GABRB1: variants seen among roughly 807,000 people sequenced by gnomAD.
GABRB1 encodes the protein gamma-aminobutyric acid receptor subunit beta-1.
Under a neutral mutation model 51.6 loss-of-function variants are expected in GABRB1, and 17 were observed. The observed-to-expected ratio is 0.33, with a 90% CI of 0.23 to 0.49. GABRB1 has a LOEUF of 0.49. Ranked by LOEUF, GABRB1 falls within the 20% of genes least tolerant of loss-of-function variation. The pLI is 0.99. For synonymous variants in GABRB1, 247 were observed against 218.9 expected (o/e 1.13, Z -1.14); for missense variants, 410 against 600.6 (o/e 0.68, Z 3.32).
intron 5 of GABRB1, among the ~76,000 whole-genome samples, chr4:47,324,981 G>A (rs1725207360): frequency 6.6e-6 from 1 of 152,134 alleles, no homozygotes. Flanking sequence ...CCGCTCTATT[G>A]CCACCAGTCT....
intron 1 of GABRB1, among the ~76,000 whole-genome samples, chr4:47,018,960 T>C (rs1301617249): frequency 6.6e-6 from 1 of 152,230 alleles, no homozygotes; most frequent in Non-Finnish European, 1.5e-5. Context: ...TTATCTTTAC[T>C]GACAATTTGT....
intron 4 of GABRB1, among the ~76,000 whole-genome samples, chr4:47,185,966 A>T (rs1324308997): frequency 6.6e-6 from 1 of 151,826 alleles, no homozygotes; most frequent in Non-Finnish European, 1.5e-5. Flanking sequence ...GAGGAGTACC[A>T]TGCGTGGCTA....
At chr4:47,419,962 T>C (rs1479546421) in intron 8 of GABRB1, among the ~76,000 whole-genome samples, 1 of 152,192 alleles carries the variant, frequency 6.6e-6, no homozygotes, top group East Asian at 1.9e-4. Flanking sequence ...CCTGAAGCCT[T>C]ATTAATAATT....
At chr4:47,219,121 G>T (rs1040074721) in intron 4 of GABRB1, among the ~76,000 whole-genome samples, 36 of 151,700 alleles carry the variant, frequency 2.4e-4, no homozygotes, top group African/African-American at 8.7e-4. Flanking sequence ...TAGTATTTGT[G>T]GGATTCTTAT....
intron 4 of GABRB1, among the ~76,000 whole-genome samples, chr4:47,265,176 C>T (rs1722603213): frequency 6.6e-6 from 1 of 152,084 alleles, no homozygotes; most frequent in African/African-American, 2.4e-5. Context: ...TTATTTAGCT[C>T]CCACTTATAG....
intron 5 of GABRB1, among the ~76,000 whole-genome samples, chr4:47,323,673 C>G (rs1023870116): frequency 6.6e-6 from 1 of 152,166 alleles, no homozygotes; most frequent in Non-Finnish European, 1.5e-5. Flanking sequence ...AGAGTGGAAA[C>G]TTTGCCTGCA....
chr4:47,158,071 C>G lies in GABRB1; in HGVS notation c.241-3178C>G, dbSNP rs1717777029. 2.6e-5 allele frequency among the ~76,000 whole-genome samples: 4 copies of G among 152,062 alleles called. No individual in the cohort carries two copies. The South Asian group carries it at 8.3e-4, about 31-fold the overall frequency. The stretch of plus-strand genomic sequence containing the variant: ...AGGTTTCACCACATGGCATGTAGCT[C>G]TTTCTCTACAGGAAACAAAAATAGT... On this transcript the variant is annotated intron_variant, in intron 3 of 8. Coordinates refer to ENST00000295454, the MANE Select transcript of GABRB1 (RefSeq NM_000812.4).
At chr4:47,239,467 G>A in intron 4 of GABRB1, among the ~76,000 whole-genome samples, 1 of 152,102 alleles carries the variant, frequency 6.6e-6, no homozygotes, top group East Asian at 1.9e-4. Flanking sequence ...GTGGATACTG[G>A]CATGTTGTTT....
At chr4:47,202,830 T>C in intron 4 of GABRB1, among the ~76,000 whole-genome samples, 1 of 152,164 alleles carries the variant, frequency 6.6e-6, no homozygotes, top group Admixed American at 6.5e-5. Context: ...TCTTTTGAGT[T>C]GACCACCCAA....
At chr4:47,091,284 AT>A (rs1210250878) in intron 3 of GABRB1, among the ~76,000 whole-genome samples, 1 of 152,114 alleles carries the variant, frequency 6.6e-6, no homozygotes, top group Non-Finnish European at 1.5e-5. Context: ...ATTATATTGT[AT>A]TTTTTATTCA....
chr4:47,368,374 C>T (rs73136031), intron 5 of GABRB1, among the ~76,000 whole-genome samples: 2,222 of 152,238 alleles, frequency 0.015, 45 homozygotes, highest in African/African-American at 0.05. Context: ...AATCCCTCCC[C>T]ATCACCACCT....
chr4:47,081,597 T>C (rs73247635), intron 3 of GABRB1, among the ~76,000 whole-genome samples: 302 of 152,280 alleles, frequency 2.0e-3, no homozygotes, highest in Non-Finnish European at 3.5e-3. Flanking sequence ...TTTTTAAATA[T>C]ACCTCCTTCT....
Position 47,174,494 on chromosome 4 carries a change from T to C in GABRB1, c.461+13025T>C, listed in dbSNP as rs565173668. Among the ~76,000 whole-genome samples the C allele has an allele frequency of 8.5e-5, 13 of 152,296 alleles. No homozygotes were observed. The South Asian group carries it at 2.7e-3, about 32-fold the overall frequency. On this transcript the variant is annotated intron_variant, in intron 4 of 8. Coordinates refer to ENST00000295454, the MANE Select transcript of GABRB1 (RefSeq NM_000812.4). ...CCCCTCCTCACAGTTCTATAGAAAT[T>C]GGAAATCTTACCATATAGCATATAA... is the stretch of plus-strand genomic sequence containing the variant.
rs542041160 is a variant in GABRB1 at position 47,410,915 on chromosome 4, C to A, written c.1080+3989C>A. On this transcript the variant is annotated intron_variant, in intron 8 of 8. Transcript: ENST00000295454. The stretch of plus-strand genomic sequence containing the variant: ...TAAGGGAAAATCTAAAATAGGCTCA[C>A]CCTAATGACACATAAAACCAAGTCT... Among the ~76,000 whole-genome samples, 6 of 152,230 alleles carry A rather than the reference C, an allele frequency of 3.9e-5. No individual in the cohort carries two copies. In the East Asian group the frequency reaches 5.8e-4, roughly 15 times the overall value.
At chr4:47,153,037 G>T (rs1337459868) in intron 3 of GABRB1, among the ~76,000 whole-genome samples, 2 of 151,928 alleles carry the variant, frequency 1.3e-5, no homozygotes, top group East Asian at 3.9e-4. Context: ...GAAGTGACGG[G>T]AATTTCACGC....
chr4:47,254,361 GTTTTTTTTTTTTT>G (rs56838956), intron 4 of GABRB1, among the ~76,000 whole-genome samples: 3 of 80,966 alleles, frequency 3.7e-5, no homozygotes, highest in Admixed American at 1.5e-4. Context: ...TCTTTTCTTT[GTTTTTTTTTTTTT>G]TTTTTTTTTT....
chr4:47,037,651 G>A (rs1163204683), intron 3 of GABRB1, among the ~76,000 whole-genome samples: 1 of 150,668 alleles, frequency 6.6e-6, no homozygotes, highest in Non-Finnish European at 1.5e-5. Context: ...TTTTAGGATT[G>A]CAGAATCAGA....
chr4:47,186,094 T>C (rs1266667588), intron 4 of GABRB1, among the ~76,000 whole-genome samples: 2 of 151,792 alleles, frequency 1.3e-5, no homozygotes, highest in Non-Finnish European at 2.9e-5. Context: ...TCTCAAATAC[T>C]GCATACATCC....
chr4:47,246,302 A>C (rs1721740203), intron 4 of GABRB1, among the ~76,000 whole-genome samples: 1 of 52,292 alleles, frequency 1.9e-5, no homozygotes. Flanking sequence ...ATATATATAC[A>C]CACACACACA....
Sources: gnomAD v4.1 joint callset for allele counts (sites outside exome capture counted in the v4.1 genomes callset) on GRCh38, gnomAD v4.1.1 for gene constraint, MANE v1.5 for transcripts, NCBI Gene and HGNC (gene_info 2026-07-23, HGNC 2026-07-21) for gene names.